Variants in SHROOM3 observed in about 807,000 individuals in gnomAD.
SHROOM3 encodes protein Shroom3.
SHROOM3 carries 47 observed loss-of-function variants against 138.6 expected under a neutral mutation model. That is an observed-to-expected ratio of 0.34 (90% CI 0.27 to 0.43). The LOEUF (loss-of-function observed/expected upper bound fraction) is 0.43. Ranked by LOEUF, SHROOM3 falls within the 20% of genes least tolerant of loss-of-function variation. SHROOM3 has a pLI of 1.00. For synonymous variants in SHROOM3, 1,062 were observed against 1,063.3 expected (o/e 1.00, Z 0.02); for missense variants, 2,491 against 2,596.5 (o/e 0.96, Z 0.88).
intron 10 of SHROOM3, among the ~76,000 whole-genome samples, chr4:76,771,242 A>T (rs1442420403): frequency 7.2e-5 from 11 of 151,894 alleles, no homozygotes. Context: ...GCCAGGCACC[A>T]TGGTGCGTGC....
At chr4:76,597,123 C>T (rs966273433) in intron 2 of SHROOM3, among the ~76,000 whole-genome samples, 2 of 152,312 alleles carry the variant, frequency 1.3e-5, no homozygotes, top group East Asian at 1.9e-4. Flanking sequence ...CCTAAAGAGA[C>T]TCAGCAAAAG....
At position 76,740,584 on chromosome 4, in the gene SHROOM3, G is replaced by A. The variant is rs1721215566; in HGVS notation, c.2411G>A (p.Gly804Asp). The A allele has an allele frequency of 6.2e-7, 1 of 1,614,160 alleles. No individual in the cohort carries two copies. Residue 804 changes from glycine to aspartate, a missense_variant, in exon 5 of 11, where the codon GGT becomes GAT. Transcript: ENST00000296043. This position sits in a 1 kb window ranked among gnomAD's most constrained non-coding sequence, Gnocchi z 4.0. The part of the protein sequence containing the change: ...GSQRPSVGGS[G>D]FGHNYRPHRT... The stretch of plus-strand genomic sequence containing the variant: ...CAGAGACCGAGTGTGGGCGGCTCTG[G>A]TTTTGGCCATAACTATAGGCCCCAC...
At chr4:76,490,320 G>C (rs367948600) in intron 1 of SHROOM3, among the ~76,000 whole-genome samples, 1 of 152,168 alleles carries the variant, frequency 6.6e-6, no homozygotes, top group Admixed American at 6.5e-5. Flanking sequence ...AGACTTGACC[G>C]GCAATCAGTC....
At chr4:76,760,057 C>T (rs1578026601) in intron 9 of SHROOM3, among the ~76,000 whole-genome samples, 2 of 152,144 alleles carry the variant, frequency 1.3e-5, no homozygotes, top group Non-Finnish European at 2.9e-5. Context: ...CCAGTGCCAA[C>T]GGTGTGTGTA....
intron 2 of SHROOM3, among the ~76,000 whole-genome samples, chr4:76,583,814 G>A (rs1361466179): frequency 6.6e-6 from 1 of 152,148 alleles, no homozygotes; most frequent in African/African-American, 2.4e-5. Flanking sequence ...CTAACTATGG[G>A]TCAACTGTAG....
intron 2 of SHROOM3, among the ~76,000 whole-genome samples, chr4:76,606,711 A>C (rs74574131): frequency 0.18 from 27,550 of 152,014 alleles, 2,687 homozygotes; most frequent in East Asian, 0.29. Context: ...TCAAAAAATA[A>C]ATACATACAT....
In SHROOM3 at chr4:76,474,702, G is replaced by A. The variant is rs570152381; in HGVS notation, c.168+38482G>A. Among the ~76,000 whole-genome samples the A allele has an allele frequency of 2.0e-5, 3 of 152,178 alleles. No homozygotes were observed. The East Asian group carries it at 5.8e-4, about 29-fold the overall frequency. On this transcript the variant is annotated intron_variant, in intron 1 of 10. Transcript: ENST00000296043. ...GGCTGAGGCAGGTGGATCAACTGAG[G>A]TTGGGAGTTTAAGACCAGTCTGGTC...
At chr4:76,608,643 T>A (rs62300921) in intron 2 of SHROOM3, among the ~76,000 whole-genome samples, 1 of 18,390 alleles carries the variant, frequency 5.4e-5, no homozygotes. Context: ...TAGCATAGCA[T>A]AGCATAGCAT....
At chr4:76,745,101 C>T (rs10518155) in intron 5 of SHROOM3, among the ~76,000 whole-genome samples, 22,011 of 152,184 alleles carry the variant, frequency 0.14, 1,800 homozygotes, top group East Asian at 0.22. Flanking sequence ...TTTAATTCCT[C>T]TTCATTGCAG....
chr4:76,619,593 G>A (rs11734813), intron 2 of SHROOM3, among the ~76,000 whole-genome samples: 10,863 of 152,214 alleles, frequency 0.071, 467 homozygotes, highest in South Asian at 0.097. Flanking sequence ...GTATCCAGAA[G>A]TTCAGTGGAA....
chr4:76,681,598 T>TGTGG, intron 2 of SHROOM3, among the ~76,000 whole-genome samples: 1 of 120,500 alleles, frequency 8.3e-6, no homozygotes, highest in South Asian at 3.2e-4. Context: ...GTCTAGGGTG[T>TGTGG]GTGTGTGTGT....
At chr4:76,735,052 C>A (rs1325755927) in intron 4 of SHROOM3, among the ~76,000 whole-genome samples, 1 of 152,048 alleles carries the variant, frequency 6.6e-6, no homozygotes, top group African/African-American at 2.4e-5. Context: ...TGAGTTTCAA[C>A]AGGGAAACTA....
chr4:76,625,794 CT>C (rs1223929423), intron 2 of SHROOM3, among the ~76,000 whole-genome samples: 4 of 152,332 alleles, frequency 2.6e-5, no homozygotes, highest in Admixed American at 1.3e-4. Flanking sequence ...TTGTCTACCC[CT>C]ATAACTAACC....
chr4:76,444,484 CTTTTTTTTTTTTTTTT>C (rs61655085), intron 1 of SHROOM3, among the ~76,000 whole-genome samples: 5 of 60,152 alleles, frequency 8.3e-5, no homozygotes, highest in African/African-American at 2.0e-4. Flanking sequence ...CTCTTTCTTT[CTTTTTTTTTTTTTTTT>C]TTTTTTTTTT....
chr4:76,446,417 C>T (rs1445186068), intron 1 of SHROOM3, among the ~76,000 whole-genome samples: 1 of 120,122 alleles, frequency 8.3e-6, no homozygotes, highest in Admixed American at 8.8e-5. Context: ...GGTGAAATGG[C>T]GGCGGTGGGG....
At chr4:76,481,655 C>G (rs1731616213) in intron 1 of SHROOM3, among the ~76,000 whole-genome samples, 1 of 151,664 alleles carries the variant, frequency 6.6e-6, no homozygotes, top group African/African-American at 2.4e-5. Flanking sequence ...CATTTTACTC[C>G]TCCCAGCATC....
intron 2 of SHROOM3, among the ~76,000 whole-genome samples, chr4:76,688,106 C>G (rs1009990527): frequency 2.6e-5 from 4 of 152,254 alleles, no homozygotes; most frequent in Non-Finnish European, 5.9e-5. Context: ...GACACGAGGA[C>G]ACAGAACAAA....
intron 3 of SHROOM3, among the ~76,000 whole-genome samples, chr4:76,717,988 G>T (rs1482974458): frequency 6.6e-6 from 1 of 152,014 alleles, no homozygotes; most frequent in African/African-American, 2.4e-5. Flanking sequence ...AAATGTCAGC[G>T]CTTGCTTCTA....
At chr4:76,638,103 A>G (rs540494950) in intron 2 of SHROOM3, among the ~76,000 whole-genome samples, 8 of 152,286 alleles carry the variant, frequency 5.3e-5, no homozygotes, top group Middle Eastern at 3.4e-3. Flanking sequence ...AGATGAGTCA[A>G]CAGATAGAGA....
Sources: gnomAD v4.1 joint callset for allele counts (sites outside exome capture counted in the v4.1 genomes callset) on GRCh38, gnomAD v4.1.1 for gene constraint, Gnocchi (gnomAD v3.1) non-coding constraint, MANE v1.5 for transcripts, NCBI Gene and HGNC (gene_info 2026-07-23, HGNC 2026-07-21) for gene names.